Variants in TENM1 observed in about 807,000 individuals in gnomAD.
The protein encoded by TENM1 is teneurin transmembrane protein 1.
Under a neutral mutation model 174.8 loss-of-function variants are expected in TENM1, and 35 were observed. The ratio of observed to expected loss-of-function variants is 0.20; its 90% confidence interval spans 0.15 to 0.27. TENM1 has a LOEUF of 0.27. Among genes scored for constraint, TENM1 ranks in the 10% least tolerant of loss-of-function variants. The probability of loss-of-function intolerance (pLI) is 1.00; values close to 1 mark genes in which losing one functional copy is unlikely to be tolerated. For synonymous variants in TENM1, 781 were observed against 798.7 expected (o/e 0.98, Z 0.37); for missense variants, 1,633 against 2,130.1 (o/e 0.77, Z 4.59).
chrX:124,763,484 G>GCGCACA (rs1569433442), intron 3 of TENM1, among the ~76,000 whole-genome samples: 1 of 108,346 alleles, frequency 9.2e-6, no homozygotes, highest in African/African-American at 3.3e-5. Context: ...TCTCAAAAGC[G>GCGCACA]CACACACACA....
At chrX:124,954,585 T>C (rs1359682105) in intron 1 of TENM1, among the ~76,000 whole-genome samples, 1 of 111,711 alleles carries the variant, frequency 9.0e-6, no homozygotes, top group Non-Finnish European at 1.9e-5. Flanking sequence ...AACTTCCTAG[T>C]TGATGGTGAC....
At chrX:124,584,973 C>G in intron 11 of TENM1, among the ~76,000 whole-genome samples, 1 of 110,025 alleles carries the variant, frequency 9.1e-6, no homozygotes, top group East Asian at 2.8e-4. Flanking sequence ...ATCAATTCAA[C>G]AAGAAGGGCT....
chrX:124,908,404 T>C lies in TENM1; in HGVS notation c.218-12163A>G, dbSNP rs918819938. Reference sequence around the variant, plus strand: ...GTTCTCATTGTTCAACTCCCACTTATGAGTGAGAACACACAGTGTTTGGTT... The same window carrying C: ...GTTCTCATTGTTCAACTCCCACTTACGAGTGAGAACACACAGTGTTTGGTT... On this transcript the variant is annotated intron_variant, in intron 1 of 31. Coordinates refer to ENST00000422452, the Ensembl canonical transcript of TENM1. Among the ~76,000 whole-genome samples, 74 of 111,309 alleles carry C rather than the reference T, an allele frequency of 6.6e-4. No individual in the cohort carries two copies. In the Middle Eastern group the frequency reaches 0.023, roughly 35 times the overall value.
chrX:124,559,890 T>C (rs1485562485), intron 14 of TENM1, among the ~76,000 whole-genome samples: 2 of 111,215 alleles, frequency 1.8e-5, no homozygotes, highest in Non-Finnish European at 3.8e-5. Context: ...GTGCATATTA[T>C]CAACACCATG....
chrX:124,917,507 T>C (rs187784267), intron 1 of TENM1, among the ~76,000 whole-genome samples: 3 of 111,540 alleles, frequency 2.7e-5, no homozygotes, highest in Non-Finnish European at 5.6e-5. Context: ...CTGCTTCTCA[T>C]TTTTTGACTT....
At position 124,449,935 on chromosome X, in the gene TENM1, A is replaced by G. The variant is rs1490668346; in HGVS notation, c.4104+3402T>C. On this transcript the variant is annotated intron_variant, in intron 23 of 31. Coordinates refer to ENST00000422452, the Ensembl canonical transcript of TENM1. ...GGAGGTGGCAGGAGATCTTAGAGTC[A>G]ATGACTAAAGCAAGGTTTCTTAGGG... 2.7e-5 allele frequency among the ~76,000 whole-genome samples: 3 copies of G among 110,767 alleles called. No individual in the cohort carries two copies. In the Admixed American group the frequency reaches 2.9e-4, roughly 11 times the overall value.
chrX:124,523,873 A>ATT (rs745816520), intron 16 of TENM1, among the ~76,000 whole-genome samples: 70 of 90,488 alleles, frequency 7.7e-4, no homozygotes, highest in African/African-American at 2.1e-3. Context: ...TTGTAAACCA[A>ATT]TTTTTTTTTT....
intron 6 of TENM1, among the ~76,000 whole-genome samples, chrX:124,665,176 A>T (rs191571264): frequency 2.0e-4 from 22 of 111,412 alleles, no homozygotes; most frequent in East Asian, 1.7e-3. Context: ...TGTCTCCATT[A>T]AAAAAATTAC....
At chrX:124,621,049 A>G (rs1358676589) in intron 11 of TENM1, among the ~76,000 whole-genome samples, 1 of 112,308 alleles carries the variant, frequency 8.9e-6, no homozygotes, top group Non-Finnish European at 1.9e-5. Flanking sequence ...ACTGGGTTCA[A>G]TCCATGTAAT....
At chrX:124,922,610 T>C (rs1292771623) in intron 1 of TENM1, among the ~76,000 whole-genome samples, 2 of 111,154 alleles carry the variant, frequency 1.8e-5, no homozygotes. Context: ...GTTAAATGAA[T>C]TTAAAGAAAT....
At chrX:124,984,876 C>A in the TENM1 span, among the ~76,000 whole-genome samples, 383 of 112,065 alleles carry the variant, frequency 3.4e-3, 2 homozygotes, top group Non-Finnish European at 5.8e-3. Context: ...TTCACTGATA[C>A]AAAGCTAGGG....
chrX:124,462,130 C>T (rs2061181569), intron 22 of TENM1, among the ~76,000 whole-genome samples: 1 of 109,589 alleles, frequency 9.1e-6, no homozygotes, highest in Non-Finnish European at 1.9e-5. Flanking sequence ...GCCTCCTTTC[C>T]AAGTTAGGTG....
At chrX:124,871,474 C>T (rs1407095201) in intron 3 of TENM1, among the ~76,000 whole-genome samples, 2 of 111,294 alleles carry the variant, frequency 1.8e-5, no homozygotes, top group African/African-American at 6.6e-5. Flanking sequence ...ATGGAGCTTC[C>T]GTCAACTGAA....
intron 19 of TENM1, among the ~76,000 whole-genome samples, chrX:124,501,041 C>T (rs1304974485): frequency 9.0e-6 from 1 of 111,202 alleles, no homozygotes; most frequent in Non-Finnish European, 1.9e-5. Context: ...AGACAGATGA[C>T]AATACCCACT....
chrX:124,559,868 TTTGA>T (rs1383840342), intron 14 of TENM1, among the ~76,000 whole-genome samples: 1 of 111,123 alleles, frequency 9.0e-6, no homozygotes, highest in Non-Finnish European at 1.9e-5. Context: ...TAATTAGGTG[TTTGA>T]TTGTATAGTG....
chrX:124,846,304 T>A (rs988193108), intron 3 of TENM1, among the ~76,000 whole-genome samples: 33 of 110,799 alleles, frequency 3.0e-4, no homozygotes, highest in Non-Finnish European at 4.7e-4. Context: ...TAAACTTGAC[T>A]TTCTGAGCTG....
chrX:125,190,203 C>T, the TENM1 span, among the ~76,000 whole-genome samples: 1 of 111,939 alleles, frequency 8.9e-6, no homozygotes, highest in Non-Finnish European at 1.9e-5. Context: ...TCTCGGTTTA[C>T]ATTATTGGCT....
intron 1 of TENM1, among the ~76,000 whole-genome samples, chrX:124,942,265 ATC>A (rs1174591674): frequency 9.0e-6 from 1 of 111,543 alleles, no homozygotes; most frequent in African/African-American, 3.3e-5. Context: ...GCTCCTAATC[ATC>A]TCTTTCTCTA....
chrX:124,378,309 C>A (rs1265451398), exon 32 of TENM1: 1 of 112,115 alleles, frequency 8.9e-6, no homozygotes, highest in African/African-American at 3.2e-5. Flanking sequence ...AAAATAGACT[C>A]TAATATTGAC....
Sources: allele counts gnomAD v4.1 joint callset (sites outside exome capture counted in the v4.1 genomes callset), GRCh38; gene constraint gnomAD v4.1.1; transcripts MANE v1.5; gene names NCBI Gene and HGNC (gene_info 2026-07-23, HGNC 2026-07-21).